PAPOLG: variants seen among roughly 807,000 people sequenced by gnomAD.
PAPOLG encodes PAP-gamma.
PAPOLG carries 40 observed loss-of-function variants against 99.0 expected under a neutral mutation model. The observed-to-expected ratio is 0.40, with a 90% CI of 0.31 to 0.53. The LOEUF (loss-of-function observed/expected upper bound fraction) is 0.53, where lower values mean the gene tolerates loss of function less well. PAPOLG is among the 20% of genes least tolerant of loss of function. PAPOLG has a pLI of 0.41. For missense variants in PAPOLG, 675 were observed against 884.1 expected (o/e 0.76, Z 3.00); for synonymous variants, 310 against 299.3 (o/e 1.04, Z -0.37).
chr2:60,757,794 G>A (rs1340833694), intron 1 of PAPOLG, among the ~76,000 whole-genome samples: 1 of 152,182 alleles, frequency 6.6e-6, no homozygotes, highest in African/African-American at 2.4e-5. Context: ...GCCTGTAAGT[G>A]AAATTGATGG....
intron 11 of PAPOLG, 175 bp from the exon 12 acceptor site, chr2:60,782,511 A>C (rs1671220052): frequency 1.2e-6 from 1 of 815,880 alleles, no homozygotes; most frequent in African/African-American, 1.9e-5. Context: ...GAGCCGAGAT[A>C]GATCCACCAC....
At chr2:60,776,555 G>C (rs1671027718) in intron 8 of PAPOLG, among the ~76,000 whole-genome samples, 1 of 150,220 alleles carries the variant, frequency 6.7e-6, no homozygotes, top group South Asian at 2.1e-4. Flanking sequence ...AGCCTCCCAA[G>C]TAGCTGGAAT....
chr2:60,799,247 G>A lies in PAPOLG; in HGVS notation c.*2087G>A, dbSNP rs1671794451. ...CCATGTTTACCCCATTATGTAAATA[G>A]ATCTTTGGAGTGACTAGTGGAGTTT... On this transcript the variant is annotated 3_prime_UTR_variant, in exon 22 of 22. Coordinates refer to ENST00000238714, the MANE Select transcript of PAPOLG (RefSeq NM_022894.4). The A allele has an allele frequency of 6.6e-6, 1 of 152,334 alleles. No individual in the cohort carries two copies. The highest frequency in any genetic ancestry group is 1.5e-5 in the Non-Finnish European group (1 of 68,038). 9.4% of individuals were successfully genotyped at this position (152,334 alleles called of 1,614,324 possible).
intron 7 of PAPOLG, among the ~76,000 whole-genome samples, chr2:60,774,545 T>G (rs1309510155): frequency 6.6e-6 from 1 of 152,092 alleles, no homozygotes; most frequent in Non-Finnish European, 1.5e-5. Flanking sequence ...TTTGTATGTT[T>G]AGTAGAGACA....
intron 9 of PAPOLG, among the ~76,000 whole-genome samples, chr2:60,780,138 A>C (rs1272768432): frequency 6.6e-6 from 1 of 152,248 alleles, no homozygotes; most frequent in Non-Finnish European, 1.5e-5. Context: ...TATCGGAATT[A>C]AATCCATGAA....
rs1004795084 is a variant in PAPOLG, at chr2:60,798,720, C to G, written c.*1560C>G. 2.6e-5 allele frequency: 4 copies of G among 152,320 alleles called. No individual in the cohort carries two copies. The highest frequency in any genetic ancestry group is 2.0e-4 in the Admixed American group (3 of 15,272). 9.4% of individuals were successfully genotyped at this position (152,320 alleles called of 1,614,324 possible). On this transcript the variant is annotated 3_prime_UTR_variant, in exon 22 of 22. Coordinates refer to ENST00000238714, the MANE Select transcript of PAPOLG (RefSeq NM_022894.4). ...GTGGAGAAATAGCAGTCCATTTTCT[C>G]TTGCAAGCCCTTTACCATTGAGTTG...
intron 3 of PAPOLG, among the ~76,000 whole-genome samples, chr2:60,767,348 T>TC (rs1162437802): frequency 3.3e-5 from 5 of 150,168 alleles, no homozygotes; most frequent in African/African-American, 1.2e-4. Context: ...TTTCTTTCTT[T>TC]TTTTTTTTTT....
At chr2:60,759,588 T>A (rs1670464325) in intron 1 of PAPOLG, among the ~76,000 whole-genome samples, 1 of 152,170 alleles carries the variant, frequency 6.6e-6, no homozygotes, top group South Asian at 2.1e-4. Flanking sequence ...TAAACTCTGA[T>A]TCAAGCAGAG....
At chr2:60,795,684 ATTATAAT>A (rs202243563) in intron 21 of PAPOLG, among the ~76,000 whole-genome samples, 2,642 of 151,322 alleles carry the variant, frequency 0.017, 71 homozygotes, top group African/African-American at 0.06. Flanking sequence ...ATAATTATAA[ATTATAAT>A]TTATAATAAA....
Position 60,793,905 on chromosome 2 carries a change from C to A in PAPOLG, c.1769-66C>A, listed in dbSNP as rs553028264. The A allele has an allele frequency of 6.0e-6, 9 of 1,512,560 alleles. No homozygotes were observed. In the African/African-American group the frequency reaches 7.0e-5, roughly 12 times the overall value. The allele number at this position is 1,512,560 out of a possible 1,614,324, so 93.7% of individuals were successfully genotyped here. ...CAGCCTGGGTGATGGGAATGAGAGA[C>A]CCTGTCTCAAGGAAAAAAAAATTAC... On this transcript the variant is annotated intron_variant, in intron 18 of 21. Transcript: ENST00000238714.
chr2:60,778,508 G>T (rs1392291233), intron 8 of PAPOLG, among the ~76,000 whole-genome samples: 4 of 151,958 alleles, frequency 2.6e-5, no homozygotes, highest in African/African-American at 9.7e-5. Context: ...TCTTTTCGGG[G>T]TGCTGAAAAC....
chr2:60,783,318 A>G (rs1393053215), intron 13 of PAPOLG, 109 bp downstream of exon 13: 3 of 368,866 alleles, frequency 8.1e-6, no homozygotes, highest in South Asian at 9.0e-5. Flanking sequence ...CAAAATTATT[A>G]TATCTCTTTT....
chr2:60,794,204 C>A lies in PAPOLG; in HGVS notation c.1989+13C>A, dbSNP rs773493645. ...AGACGTAGAAAAGGTAAAGTTACAA[C>A]TTTAGTGGTAATTCAGTAGTTGATA... On this transcript the variant is annotated intron_variant, in intron 19 of 21. Transcript: ENST00000238714. The A allele has an allele frequency of 6.2e-7, 1 of 1,605,930 alleles. No individual in the cohort carries two copies. The highest frequency in any genetic ancestry group is 8.5e-7 in the Non-Finnish European group (1 of 1,174,650).
chr2:60,769,260 C>T (rs1471842040), intron 5 of PAPOLG, among the ~76,000 whole-genome samples: 1 of 152,156 alleles, frequency 6.6e-6, no homozygotes, highest in South Asian at 2.1e-4. Context: ...TGATACATAT[C>T]AAATGATGAG....
Position 60,782,719 on chromosome 2 carries a change from A to G in PAPOLG, c.1061A>G (p.Lys354Arg), listed in dbSNP as rs1254692643. ...LAVTDEILQGKSDWSKLLEPP... is the reference protein window; with the variant it reads ...LAVTDEILQGRSDWSKLLEPP... ...GTCACAGATGAAATTCTTCAAGGAA[A>G]GTCAGATTGGTCCAAACTACTTGAG... Residue 354 changes from lysine (K) to arginine (R), a missense_variant, in exon 12 of 22, where the codon AAG (lysine) becomes AGG (arginine). This residue lies in a region of PAPOLG where 113 missense variants were observed against 231.5 expected (regional missense o/e 0.49). Transcript: ENST00000238714. 1.9e-6 allele frequency: 3 copies of G among 1,559,896 alleles called. No homozygotes were observed. Among genetic ancestry groups the G allele is most frequent in the Non-Finnish European group, 1.7e-6 (2 of 1,162,108 alleles).
At chr2:60,768,392 A>G (rs1670749023) in intron 3 of PAPOLG, 78 bp from the exon 4 acceptor site, 2 of 1,461,724 alleles carry the variant, frequency 1.4e-6, no homozygotes, top group Admixed American at 1.8e-5. Context: ...GTGAGCCACC[A>G]TGCCCAGCCA....
chr2:60,779,454 G>A (rs1671125449), intron 8 of PAPOLG, 183 bp from the exon 9 acceptor site: 3 of 577,376 alleles, frequency 5.2e-6, no homozygotes, highest in Admixed American at 6.5e-5. Flanking sequence ...GGCCTAATGT[G>A]AAGGTCTGCT....
At position 60,794,720 on chromosome 2, in the gene PAPOLG, T is replaced by A; in HGVS notation, c.2000T>A (p.Leu667His). The A allele has an allele frequency of 6.2e-7, 1 of 1,611,290 alleles. No individual in the cohort carries two copies. The highest frequency in any genetic ancestry group is 8.5e-7 in the Non-Finnish European group (1 of 1,177,676). ...ATGTTTATATTTTAGTTTATTCGACTTGAATCAACATTTAAGGACCCCCGC... is the reference window on the plus strand; with the variant it reads ...ATGTTTATATTTTAGTTTATTCGACATGAATCAACATTTAAGGACCCCCGC... Reference protein sequence around the residue: ...RLKDVEKFIRLESTFKDPRTA... With the variant: ...RLKDVEKFIRHESTFKDPRTA... Residue 667 changes from leucine to histidine, a missense_variant, in exon 20 of 22, where the codon CTT becomes CAT. Transcript: ENST00000238714.
chr2:60,793,913 C>G, intron 18 of PAPOLG, 58 bp from the exon 19 acceptor site: 2 of 1,541,780 alleles, frequency 1.3e-6, no homozygotes, highest in Non-Finnish European at 1.8e-6. Flanking sequence ...GACCCTGTCT[C>G]AAGGAAAAAA....
Sources: allele counts gnomAD v4.1 joint callset (sites outside exome capture counted in the v4.1 genomes callset), GRCh38; gene constraint gnomAD v4.1.1; regional missense constraint gnomAD v4.1.1; transcripts MANE v1.5; gene names NCBI Gene and HGNC (gene_info 2026-07-23, HGNC 2026-07-21).